The following CNTNAP5 variants were observed in gnomAD, a reference collection of about 807,000 sequenced individuals.
CNTNAP5 encodes contactin associated protein family member 5.
Under a neutral mutation model 150.2 loss-of-function variants are expected in CNTNAP5, and 72 were observed. The ratio of observed to expected loss-of-function variants is 0.48; its 90% confidence interval spans 0.40 to 0.58. CNTNAP5 has a LOEUF of 0.58. CNTNAP5 is among the 20% of genes least tolerant of loss of function. The probability of loss-of-function intolerance (pLI) is 0.00; values close to 1 mark genes in which losing one functional copy is unlikely to be tolerated. For missense variants in CNTNAP5, 1,636 were observed against 1,626.2 expected (o/e 1.01, Z -0.10); for synonymous variants, 672 against 619.8 (o/e 1.08, Z -1.25).
chr2:124,227,936 G>GCA (rs1024843108), intron 2 of CNTNAP5, among the ~76,000 whole-genome samples: 79 of 150,894 alleles, frequency 5.2e-4, no homozygotes, highest in African/African-American at 1.8e-3. Context: ...ATATATACAC[G>GCA]CACACACACA....
chr2:124,075,638 A>G (rs1006123805), intron 1 of CNTNAP5, among the ~76,000 whole-genome samples: 3 of 151,920 alleles, frequency 2.0e-5, no homozygotes, highest in Non-Finnish European at 2.9e-5. Context: ...CTGCATTTCA[A>G]TTACCAATTT....
At position 124,493,963 on chromosome 2, in the gene CNTNAP5, A is replaced by ATACAC. The variant is rs199807584; in HGVS notation, c.1063-10329_1063-10328insTACAC. On this transcript the variant is annotated intron_variant, in intron 7 of 23. Transcript: ENST00000682447. ...AGTTTGGAGACAAAAGAAAACCATA[A>ATACAC]ATACACACACACACACACACACACA... Among the ~76,000 whole-genome samples the ATACAC allele has an allele frequency of 6.4e-3, 366 of 56,846 alleles. 2 individuals are homozygous for ATACAC. The highest frequency in any genetic ancestry group is 0.012 in the Non-Finnish European group (289 of 24,182). 37.3% of individuals were successfully genotyped at this position (56,846 alleles called of 152,430 possible).
intron 1 of CNTNAP5, among the ~76,000 whole-genome samples, chr2:124,061,949 A>G (rs1426452145): frequency 2.0e-5 from 3 of 152,040 alleles, no homozygotes; most frequent in Non-Finnish European, 4.4e-5. Context: ...GGCTGATTTT[A>G]CCTCCGCAAT....
intron 1 of CNTNAP5, among the ~76,000 whole-genome samples, chr2:124,035,373 TC>T (rs1681185296): frequency 6.7e-6 from 1 of 149,586 alleles, no homozygotes; most frequent in Admixed American, 6.8e-5. Context: ...TCCTCTCGTC[TC>T]TCTTCCCCAT....
intron 13 of CNTNAP5, among the ~76,000 whole-genome samples, chr2:124,673,352 GA>G (rs1678861931): frequency 6.6e-6 from 1 of 152,070 alleles, no homozygotes; most frequent in African/African-American, 2.4e-5. Flanking sequence ...TGACTAAAAT[GA>G]GCAATAATGA....
chr2:124,044,517 G>T (rs1214128486), intron 1 of CNTNAP5, among the ~76,000 whole-genome samples: 3 of 152,070 alleles, frequency 2.0e-5, no homozygotes, highest in Non-Finnish European at 4.4e-5. Flanking sequence ...CCAGGAACTG[G>T]TCTTAGATAT....
At chr2:124,097,726 C>A (rs1182285040) in intron 1 of CNTNAP5, among the ~76,000 whole-genome samples, 1 of 152,272 alleles carries the variant, frequency 6.6e-6, no homozygotes, top group East Asian at 1.9e-4. Flanking sequence ...GTCAAAAATT[C>A]ACACATAAAT....
intron 1 of CNTNAP5, among the ~76,000 whole-genome samples, chr2:124,083,872 T>C (rs1682617756): frequency 6.6e-6 from 1 of 152,080 alleles, no homozygotes; most frequent in Non-Finnish European, 1.5e-5. Context: ...ATAATAGTAA[T>C]ATAACAATTA....
intron 1 of CNTNAP5, among the ~76,000 whole-genome samples, chr2:124,046,449 A>C (rs1380268230): frequency 2.0e-5 from 3 of 151,070 alleles, no homozygotes; most frequent in African/African-American, 7.3e-5. Context: ...AAAAAAAAAA[A>C]CAGAGAATAA....
intron 1 of CNTNAP5, among the ~76,000 whole-genome samples, chr2:124,028,211 G>A (rs975140149): frequency 2.0e-5 from 3 of 152,060 alleles, no homozygotes; most frequent in African/African-American, 7.2e-5. Context: ...TAGTTGCACT[G>A]TGGACTTTGT....
intron 1 of CNTNAP5, among the ~76,000 whole-genome samples, chr2:124,210,801 T>A (rs538066415): frequency 6.6e-6 from 1 of 152,332 alleles, no homozygotes; most frequent in South Asian, 2.1e-4. Context: ...CTTTTTAAGT[T>A]TATAATCTTC....
chr2:124,338,043 C>G (rs368222664), intron 3 of CNTNAP5, among the ~76,000 whole-genome samples: 20 of 152,170 alleles, frequency 1.3e-4, no homozygotes, highest in East Asian at 3.9e-4. Context: ...TTATTTCATT[C>G]AGCAGTGGTT....
At chr2:124,354,675 T>A (rs1179959008) in intron 3 of CNTNAP5, among the ~76,000 whole-genome samples, 1 of 152,194 alleles carries the variant, frequency 6.6e-6, no homozygotes, top group East Asian at 1.9e-4. Context: ...TTTTATCTTA[T>A]GAAACACGTA....
intron 17 of CNTNAP5, among the ~76,000 whole-genome samples, chr2:124,783,013 G>T (rs901561495): frequency 1.3e-5 from 2 of 152,234 alleles, no homozygotes; most frequent in South Asian, 2.1e-4. Flanking sequence ...CTAGGCAAAA[G>T]AAGCCAGGGT....
chr2:124,151,771 C>G (rs186113576), intron 1 of CNTNAP5, among the ~76,000 whole-genome samples: 73 of 152,262 alleles, frequency 4.8e-4, no homozygotes, highest in African/African-American at 1.7e-3. Context: ...ATCCTTCTTC[C>G]CAGGTGAACA....
chr2:124,340,949 A>AC (rs2104691699), intron 3 of CNTNAP5, among the ~76,000 whole-genome samples: 1 of 150,766 alleles, frequency 6.6e-6, no homozygotes, highest in Non-Finnish European at 1.5e-5. Context: ...GGTGGTGTGC[A>AC]CCTGTAGTCC....
intron 3 of CNTNAP5, among the ~76,000 whole-genome samples, chr2:124,396,739 A>G (rs1691256435): frequency 6.6e-6 from 1 of 152,202 alleles, no homozygotes; most frequent in South Asian, 2.1e-4. Flanking sequence ...TTCACTGGTA[A>G]TGTGAACTAG....
chr2:124,109,274 T>TA (rs1683243163), intron 1 of CNTNAP5, among the ~76,000 whole-genome samples: 1 of 152,148 alleles, frequency 6.6e-6, no homozygotes, highest in Non-Finnish European at 1.5e-5. Context: ...GCTCCCAGCT[T>TA]CTCTGCCTCT....
At chr2:124,258,153 T>G (rs2104597522) in intron 3 of CNTNAP5, among the ~76,000 whole-genome samples, 1 of 152,186 alleles carries the variant, frequency 6.6e-6, no homozygotes, top group South Asian at 2.1e-4. Flanking sequence ...CTCTGCTGGG[T>G]GGCTACAGTT....
Sources: gnomAD v4.1 joint callset for allele counts (sites outside exome capture counted in the v4.1 genomes callset) on GRCh38, gnomAD v4.1.1 for gene constraint, MANE v1.5 for transcripts, NCBI Gene and HGNC (gene_info 2026-07-23, HGNC 2026-07-21) for gene names.